Variants in STIM1 observed in about 807,000 individuals in gnomAD.
STIM1 encodes stromal interaction molecule 1.
STIM1 carries 25 observed loss-of-function variants against 74.7 expected under a neutral mutation model. That is an observed-to-expected ratio of 0.33 (90% CI 0.24 to 0.47). STIM1 has a LOEUF of 0.47. Ranked by LOEUF, STIM1 falls within the 20% of genes least tolerant of loss-of-function variation. STIM1 has a pLI of 1.00. For missense variants in STIM1, 728 were observed against 920.8 expected (o/e 0.79, Z 2.71); for synonymous variants, 328 against 348.8 (o/e 0.94, Z 0.66).
intron 1 of STIM1, among the ~76,000 whole-genome samples, chr11:3,902,986 G>A (rs2092387740): frequency 6.6e-6 from 1 of 152,130 alleles, no homozygotes; most frequent in Admixed American, 6.5e-5. Flanking sequence ...ACCTGAACAT[G>A]TTTATATATA....
intron 1 of STIM1, chr11:3,867,269 T>G (rs1393075694): frequency 6.6e-6 from 1 of 152,226 alleles, no homozygotes; most frequent in Non-Finnish European, 1.5e-5. Flanking sequence ...GAGGGATGGT[T>G]TGGCTATTGA....
Position 4,024,119 on chromosome 11 carries a change from T to C in STIM1, c.385+132T>C, listed in dbSNP as rs1169457111. 1.9e-5 allele frequency: 14 copies of C among 732,670 alleles called. No individual in the cohort carries two copies. In the Admixed American group the frequency reaches 2.6e-4, roughly 14 times the overall value. The allele number at this position is 732,670 out of a possible 1,614,324, so 45.4% of individuals were successfully genotyped here. ...CAAATTATTGAAGTTATTCTACATA[T>C]AGTCACTAAAAAAGACTGAATATAG... On this transcript the variant is annotated intron_variant, in intron 3 of 12. Coordinates refer to ENST00000526596, the MANE Select transcript of STIM1 (RefSeq NM_001382567.1).
intron 2 of STIM1, among the ~76,000 whole-genome samples, chr11:3,971,231 GAA>G (rs771888539): frequency 6.2e-5 from 7 of 113,588 alleles, no homozygotes; most frequent in Middle Eastern, 4.3e-3. Context: ...AAACAAGTAT[GAA>G]AAAAAAAAAA....
intron 1 of STIM1, among the ~76,000 whole-genome samples, chr11:3,919,789 T>C (rs2092694961): frequency 6.6e-6 from 1 of 152,076 alleles, no homozygotes; most frequent in African/African-American, 2.4e-5. Flanking sequence ...GAAGTAAAAA[T>C]CACATAACAG....
chr11:3,901,026 A>C (rs1027726957), intron 1 of STIM1, among the ~76,000 whole-genome samples: 1 of 152,228 alleles, frequency 6.6e-6, no homozygotes. Context: ...CCCTGTCTCT[A>C]TTAAAAATAC....
intron 5 of STIM1, among the ~76,000 whole-genome samples, chr11:4,063,419 T>C (rs2094344736): frequency 6.6e-6 from 1 of 152,206 alleles, no homozygotes; most frequent in African/African-American, 2.4e-5. Context: ...GGTACCATAT[T>C]TCCAAAAGCA....
chr11:3,873,836 A>G (rs1206849819), intron 1 of STIM1, among the ~76,000 whole-genome samples: 3 of 152,184 alleles, frequency 2.0e-5, no homozygotes, highest in African/African-American at 7.2e-5. Context: ...GTGAGGCCTG[A>G]TTCCCCAAAG....
intron 1 of STIM1, among the ~76,000 whole-genome samples, chr11:3,932,944 C>T (rs2092887551): frequency 6.6e-6 from 1 of 152,052 alleles, no homozygotes; most frequent in Non-Finnish European, 1.5e-5. Context: ...TTATTGGGGT[C>T]CAGAGATTGG....
chr11:4,039,598 A>C (rs938119002), intron 3 of STIM1, among the ~76,000 whole-genome samples: 2 of 151,452 alleles, frequency 1.3e-5, no homozygotes, highest in African/African-American at 4.8e-5. Context: ...AAAAAAAAAA[A>C]AAAAAAACGA....
At chr11:3,908,389 A>G (rs1279010434) in intron 1 of STIM1, among the ~76,000 whole-genome samples, 1 of 152,104 alleles carries the variant, frequency 6.6e-6, no homozygotes, top group Non-Finnish European at 1.5e-5. Context: ...AAGGCAGGTG[A>G]ATCACGAGGT....
At chr11:4,011,053 C>A (rs1432809992) in intron 2 of STIM1, among the ~76,000 whole-genome samples, 1 of 152,064 alleles carries the variant, frequency 6.6e-6, no homozygotes, top group Admixed American at 6.6e-5. Context: ...TGAACTCATC[C>A]TTTTTTATGG....
Sources: gnomAD v4.1 joint callset for allele counts (sites outside exome capture counted in the v4.1 genomes callset) on GRCh38, gnomAD v4.1.1 for gene constraint, MANE v1.5 for transcripts, NCBI Gene and HGNC (gene_info 2026-07-23, HGNC 2026-07-21) for gene names.